The following LRRC4C variants were observed in gnomAD, a reference collection of about 807,000 sequenced individuals.
LRRC4C encodes the protein leucine rich repeat containing 4C.
Under a neutral mutation model 33.6 loss-of-function variants are expected in LRRC4C, and 5 were observed. The ratio of observed to expected loss-of-function variants is 0.15; its 90% CI spans 0.08 to 0.31. The LOEUF (loss-of-function observed/expected upper bound fraction) is 0.31, where lower values mean the gene tolerates loss of function less well. Ranked by LOEUF, LRRC4C falls within the 10% of genes least tolerant of loss-of-function variation. The pLI is 1.00. For missense variants in LRRC4C, 560 were observed against 796.7 expected, an observed-to-expected ratio of 0.70 and a Z score of 3.58; for synonymous variants, 329 against 302.0, an observed-to-expected ratio of 1.09 and a Z score of -0.93.
intron 3 of LRRC4C, among the ~76,000 whole-genome samples, chr11:40,336,190 C>T (rs1042974777): frequency 1.3e-5 from 2 of 152,172 alleles, no homozygotes; most frequent in Non-Finnish European, 2.9e-5. Context: ...GTAACTGTGA[C>T]AGAACACAGG....
At chr11:40,858,014 A>AGAGG (rs57379567) in intron 2 of LRRC4C, among the ~76,000 whole-genome samples, 1 of 124,886 alleles carries the variant, frequency 8.0e-6, no homozygotes, top group Non-Finnish European at 1.7e-5. Context: ...AGGGACAAGG[A>AGAGG]AAGGAAGGGA....
At chr11:40,676,956 AAC>A (rs946766753) in intron 2 of LRRC4C, among the ~76,000 whole-genome samples, 1 of 152,184 alleles carries the variant, frequency 6.6e-6, no homozygotes, top group Non-Finnish European at 1.5e-5. Flanking sequence ...CATCAGGAGA[AAC>A]AGAGGCAAGA....
At chr11:41,062,601 G>A (rs559818493) in intron 1 of LRRC4C, among the ~76,000 whole-genome samples, 4 of 152,192 alleles carry the variant, frequency 2.6e-5, no homozygotes, top group East Asian at 1.9e-4. Context: ...AGAAATGCAC[G>A]GTCCCTATTC....
At chr11:40,553,244 C>T (rs1282180843) in intron 3 of LRRC4C, among the ~76,000 whole-genome samples, 2 of 151,248 alleles carry the variant, frequency 1.3e-5, no homozygotes, top group Non-Finnish European at 2.9e-5. Flanking sequence ...TGCACTCCAG[C>T]CTGGGTGACA....
chr11:41,089,489 C>A (rs1261858843), intron 1 of LRRC4C, among the ~76,000 whole-genome samples: 7 of 151,890 alleles, frequency 4.6e-5, no homozygotes, highest in Non-Finnish European at 7.4e-5. Context: ...GAGGAATTGA[C>A]CATTAATCCC....
At position 40,761,881 on chromosome 11, in the gene LRRC4C, A is replaced by G. The variant is rs547673463; in HGVS notation, c.-406-113603T>C. Among the ~76,000 whole-genome samples, 9 of 152,262 alleles carry G rather than the reference A, an allele frequency of 5.9e-5. No individual in the cohort carries two copies. In the East Asian group the frequency reaches 1.5e-3, roughly 26 times the overall value. On this transcript the variant is annotated intron_variant, in intron 2 of 6. Coordinates refer to ENST00000528697, the MANE Select transcript of LRRC4C (RefSeq NM_001258419.2). The stretch of plus-strand genomic sequence containing the variant: ...AAGAGTTGGAAGGATTTGCAGAAAC[A>G]TGTCTATTTTTGGTAGGAGAAGGCG...
intron 1 of LRRC4C, among the ~76,000 whole-genome samples, chr11:41,225,294 T>C (rs1426566417): frequency 6.6e-6 from 1 of 152,138 alleles, no homozygotes; most frequent in Non-Finnish European, 1.5e-5. Context: ...CTAAAAGAGT[T>C]ACAAACTGGA....
intron 2 of LRRC4C, among the ~76,000 whole-genome samples, chr11:40,911,353 A>G (rs965830612): frequency 1.3e-5 from 2 of 152,170 alleles, no homozygotes; most frequent in Admixed American, 6.5e-5. Flanking sequence ...CAAAACTTCC[A>G]GAGGAACGAT....
intron 5 of LRRC4C, among the ~76,000 whole-genome samples, chr11:40,202,815 CA>C (rs1862862379): frequency 6.6e-6 from 1 of 152,148 alleles, no homozygotes; most frequent in Non-Finnish European, 1.5e-5. Flanking sequence ...AGCTGTTAGG[CA>C]AATTCACTGC....
rs534812164 is a variant in LRRC4C at position 41,442,671 on chromosome 11, G to A, written c.-496+16760C>T. Among the ~76,000 whole-genome samples, 12 of 151,686 alleles carry A rather than the reference G, an allele frequency of 7.9e-5. No homozygotes were observed. In the South Asian group the frequency reaches 1.9e-3, roughly 24 times the overall value. ...TTTTTAGTAGAGACGGGGTTTCACT[G>A]TGTTAGCCAGGATGGTCTCGATCTC... On this transcript the variant is annotated intron_variant, in intron 1 of 6. Transcript: ENST00000528697.
At chr11:40,187,672 C>A (rs554492123) in intron 5 of LRRC4C, among the ~76,000 whole-genome samples, 4 of 152,296 alleles carry the variant, frequency 2.6e-5, no homozygotes, top group Middle Eastern at 3.4e-3. Context: ...ATGTTCTGAT[C>A]ATTTTTCAAC....
At chr11:40,293,762 T>A (rs2136604178) in intron 4 of LRRC4C, 1 of 152,310 alleles carries the variant, frequency 6.6e-6, no homozygotes, top group Non-Finnish European at 1.5e-5. Context: ...AGCCACAAGT[T>A]GGTTCCCGTT....
At chr11:41,036,520 G>T (rs1857077018) in intron 1 of LRRC4C, among the ~76,000 whole-genome samples, 1 of 152,138 alleles carries the variant, frequency 6.6e-6, no homozygotes, top group Admixed American at 6.5e-5. Flanking sequence ...AATTCAAAGG[G>T]TTGATAATAA....
In LRRC4C at chr11:41,343,540, G is replaced by A. The variant is rs117470393; in HGVS notation, c.-496+115891C>T. 4.8e-3 allele frequency among the ~76,000 whole-genome samples: 724 copies of A among 152,248 alleles called. 6 individuals carry two copies. The highest frequency in any genetic ancestry group is 8.6e-3 in the Admixed American group (132 of 15,298). On this transcript the variant is annotated intron_variant, in intron 1 of 6. Coordinates refer to ENST00000528697, the MANE Select transcript of LRRC4C (RefSeq NM_001258419.2). ...TATACTTAAAGCAATGAAGACCTTG[G>A]CTTCTTATAGATAGGTTAATCAGGA...
chr11:41,378,935 CTG>C (rs1054873749), intron 1 of LRRC4C, among the ~76,000 whole-genome samples: 6 of 146,774 alleles, frequency 4.1e-5, no homozygotes, highest in African/African-American at 1.3e-4. Flanking sequence ...TTTTTTTTGT[CTG>C]TTTTTTATTC....
At chr11:41,343,236 T>C (rs16935623) in intron 1 of LRRC4C, among the ~76,000 whole-genome samples, 2,778 of 152,308 alleles carry the variant, frequency 0.018, 79 homozygotes, top group African/African-American at 0.063. Context: ...GTACCAATGA[T>C]GAACCAAATG....
At chr11:40,544,699 A>T (rs779289841) in intron 3 of LRRC4C, among the ~76,000 whole-genome samples, 1 of 152,086 alleles carries the variant, frequency 6.6e-6, no homozygotes, top group African/African-American at 2.4e-5. Context: ...AGTTACTTAG[A>T]TATATTTGTT....
At chr11:41,265,509 G>A (rs2136778353) in intron 1 of LRRC4C, among the ~76,000 whole-genome samples, 1 of 152,158 alleles carries the variant, frequency 6.6e-6, no homozygotes, top group African/African-American at 2.4e-5. Flanking sequence ...GGAACAAAGG[G>A]TAAATAAAGC....
chr11:41,065,217 G>C (rs2135389995), intron 1 of LRRC4C, among the ~76,000 whole-genome samples: 1 of 152,238 alleles, frequency 6.6e-6, no homozygotes, highest in South Asian at 2.1e-4. Flanking sequence ...TTTGGTGAGG[G>C]GAGGGGAGAC....
Sources: gnomAD v4.1 joint callset for allele counts (sites outside exome capture counted in the v4.1 genomes callset) on GRCh38, gnomAD v4.1.1 for gene constraint, MANE v1.5 for transcripts, NCBI Gene and HGNC (gene_info 2026-07-23, HGNC 2026-07-21) for gene names.